The following DNAH11 variants were observed in gnomAD, a reference collection of about 807,000 sequenced individuals.
DNAH11 encodes axonemal beta dynein heavy chain 11.
In DNAH11, 442 loss-of-function variants were observed where a neutral mutation model predicts 526.0. That is an observed-to-expected ratio of 0.84 (90% CI 0.78 to 0.91). The LOEUF (loss-of-function observed/expected upper bound fraction) is 0.91, where lower values mean the gene tolerates loss of function less well. DNAH11 is among the 40% of genes least tolerant of loss of function. The pLI is 0.00. For missense variants in DNAH11, 6,989 were observed against 5,448.7 expected (o/e 1.28, Z -8.90); for synonymous variants, 2,461 against 1,935.9 (o/e 1.27, Z -7.12).
At chr7:21,775,798 C>G (rs906884246) in intron 56 of DNAH11, among the ~76,000 whole-genome samples, 1 of 152,048 alleles carries the variant, frequency 6.6e-6, no homozygotes, top group East Asian at 1.9e-4. Flanking sequence ...CTAGATAAGA[C>G]GAGGAAGGAG....
At chr7:21,809,320 C>T (rs1789406287) in intron 63 of DNAH11, among the ~76,000 whole-genome samples, 1 of 152,074 alleles carries the variant, frequency 6.6e-6, no homozygotes, top group Non-Finnish European at 1.5e-5. Context: ...CAAGTATTTT[C>T]TTCTGTTCTG....
chr7:21,846,483 C>T (rs1413210295), intron 66 of DNAH11, among the ~76,000 whole-genome samples: 1 of 152,062 alleles, frequency 6.6e-6, no homozygotes, highest in Non-Finnish European at 1.5e-5. Context: ...ATTGATATGA[C>T]TACATTTTTC....
chr7:21,898,617 C>G (rs1784616061), intron 79 of DNAH11, among the ~76,000 whole-genome samples: 1 of 152,158 alleles, frequency 6.6e-6, no homozygotes, highest in Non-Finnish European at 1.5e-5. Flanking sequence ...TTCAAGGTTT[C>G]ACTTCTCTCT....
chr7:21,572,527 C>G (rs1783933855), intron 8 of DNAH11, among the ~76,000 whole-genome samples: 1 of 152,170 alleles, frequency 6.6e-6, no homozygotes, highest in South Asian at 2.1e-4. Context: ...AGGGAGCTAC[C>G]TGTGAGCATC....
chr7:21,631,370 C>A (rs1469647138), intron 25 of DNAH11, among the ~76,000 whole-genome samples: 2 of 152,212 alleles, frequency 1.3e-5, no homozygotes, highest in African/African-American at 4.8e-5. Context: ...GCCTTCCCAA[C>A]AGTCCCCGAA....
intron 28 of DNAH11, among the ~76,000 whole-genome samples, chr7:21,653,869 C>T (rs1781894624): frequency 6.6e-6 from 1 of 152,122 alleles, no homozygotes; most frequent in Non-Finnish European, 1.5e-5. Context: ...ATTAAATCAC[C>T]CTAAGGAAGT....
intron 50 of DNAH11, 54 bp downstream of exon 50, chr7:21,744,653 G>A: frequency 6.3e-7 from 1 of 1,594,534 alleles, no homozygotes; most frequent in Non-Finnish European, 8.5e-7. Context: ...ACTGGGTATT[G>A]GGACTAAAGT....
chr7:21,742,230 C>T, intron 49 of DNAH11, 64 bp downstream of exon 49: 1 of 1,540,644 alleles, frequency 6.5e-7, no homozygotes, highest in South Asian at 1.2e-5. Flanking sequence ...TATGTATTAG[C>T]CCATTTTTTA....
chr7:21,561,078 C>T lies in DNAH11; in HGVS notation c.890C>T (p.Ala297Val). ...NLSCIYDQLQ[A>V]PVVLKMVKIL... The stretch of plus-strand genomic sequence containing the variant: ...TTTTTTCCTTTAACTTAGCTTCAGG[C>T]ACCTGTTGTCCTCAAAATGGTTAAG... The change falls in exon 5 of 82, where the codon GCA (alanine) becomes GTA (valine). Residue 297 changes from alanine (A) to valine (V), a missense_variant. Physicochemically the swap from Ala to Val is moderately conservative, Grantham distance 64. Transcript: ENST00000409508. The T allele has an allele frequency of 6.3e-7, 1 of 1,594,702 alleles. No individual in the cohort carries two copies. Among genetic ancestry groups the T allele is most frequent in the Middle Eastern group, 1.7e-4 (1 of 6,024 alleles).
chr7:21,620,464 G>A (rs937937801), intron 25 of DNAH11, among the ~76,000 whole-genome samples: 5 of 150,756 alleles, frequency 3.3e-5, no homozygotes, highest in African/African-American at 9.8e-5. Flanking sequence ...ACGTGTAGAT[G>A]GCATCGTACA....
intron 2 of DNAH11, among the ~76,000 whole-genome samples, chr7:21,550,766 T>C (rs1448149794): frequency 6.6e-6 from 1 of 152,208 alleles, no homozygotes; most frequent in Non-Finnish European, 1.5e-5. Flanking sequence ...CAACCTGTTT[T>C]AATATTATTT....
intron 5 of DNAH11, 127 bp downstream of exon 5, chr7:21,561,297 T>C (rs1583482267): frequency 1.5e-6 from 1 of 683,786 alleles, no homozygotes. Context: ...GCTCTTCTAA[T>C]GATAAATTCA....
At chr7:21,765,358 T>G in intron 54 of DNAH11, 70 bp from the exon 55 acceptor site, 1 of 1,603,508 alleles carries the variant, frequency 6.2e-7, no homozygotes, top group Non-Finnish European at 8.5e-7. Context: ...TCTCATTGTC[T>G]AAGATTGCAA....
At chr7:21,792,855 A>T (rs1466880026) in intron 61 of DNAH11, among the ~76,000 whole-genome samples, 1 of 151,650 alleles carries the variant, frequency 6.6e-6, no homozygotes, top group African/African-American at 2.4e-5. Context: ...GATATTTTGT[A>T]TTTTTTAGTC....
chr7:21,588,125 A>G lies in DNAH11; in HGVS notation c.1772A>G (p.His591Arg), dbSNP rs749937921. The change falls in exon 10 of 82, where the codon CAT (histidine) becomes CGT (arginine). Residue 591 changes from histidine to arginine, a missense_variant. By Grantham distance (29) the His-to-Arg change is conservative (BLOSUM62 0). Transcript: ENST00000409508. ...KPVVMEIFSL[H>R]YSTLVHMFNT... ...GTTGTCATGGAAATTTTCAGCCTACATTACAGCACACTAGTGCATATGTTT... is the reference window on the plus strand; with the variant it reads ...GTTGTCATGGAAATTTTCAGCCTACGTTACAGCACACTAGTGCATATGTTT... 1.2e-6 allele frequency: 2 copies of G among 1,613,484 alleles called. No homozygotes were observed. Among genetic ancestry groups the G allele is most frequent in the South Asian group, 2.2e-5 (2 of 91,054 alleles).
At chr7:21,704,980 A>G (rs1234000278) in intron 38 of DNAH11, among the ~76,000 whole-genome samples, 4 of 152,218 alleles carry the variant, frequency 2.6e-5, no homozygotes, top group African/African-American at 9.6e-5. Context: ...CCTGCTTTTA[A>G]TGAGGGAAGA....
chr7:21,644,861 G>T (rs1357702134), intron 28 of DNAH11, among the ~76,000 whole-genome samples: 1 of 152,194 alleles, frequency 6.6e-6, no homozygotes, highest in Non-Finnish European at 1.5e-5. Flanking sequence ...CAAGAAAATA[G>T]AGAATCTACT....
chr7:21,668,905 A>G (rs1398545161), intron 30 of DNAH11, among the ~76,000 whole-genome samples: 2 of 152,206 alleles, frequency 1.3e-5, no homozygotes, highest in Admixed American at 1.3e-4. Flanking sequence ...TTTAAGAAAC[A>G]GTCAAACAGT....
chr7:21,679,633 T>C (rs1326673658), intron 30 of DNAH11, among the ~76,000 whole-genome samples: 1 of 152,186 alleles, frequency 6.6e-6, no homozygotes, highest in African/African-American at 2.4e-5. Flanking sequence ...TTAAGCCAGC[T>C]TTCCTTTGTG....
Sources: allele counts gnomAD v4.1 joint callset (sites outside exome capture counted in the v4.1 genomes callset), GRCh38; gene constraint gnomAD v4.1.1; transcripts MANE v1.5; gene names NCBI Gene and HGNC (gene_info 2026-07-23, HGNC 2026-07-21).